PCDH9: variants seen among roughly 807,000 people sequenced by gnomAD.
PCDH9 encodes protocadherin 9, also known as protocadherin-9.
A neutral mutation model predicts 70.6 loss-of-function variants in PCDH9; 24 were observed. The observed-to-expected ratio is 0.34, with a 90% CI of 0.25 to 0.48. PCDH9 has a LOEUF of 0.48. PCDH9 is among the 20% of genes least tolerant of loss of function. PCDH9 has a pLI of 0.99. For synonymous variants in PCDH9, 562 were observed against 558.5 expected, an observed-to-expected ratio of 1.01 and a Z score of -0.09; for missense variants, 1,281 against 1,503.6, an observed-to-expected ratio of 0.85 and a Z score of 2.45.
At position 67,225,558 on chromosome 13, in the gene PCDH9, G is replaced by C; in HGVS notation, c.2883C>G (p.His961Gln). 9 of 1,614,146 alleles carry C rather than the reference G, an allele frequency of 5.6e-6. No individual in the cohort carries two copies. The highest frequency in any genetic ancestry group is 7.6e-6 in the Non-Finnish European group (9 of 1,180,022). ...KPDTPVSVKK[H>Q]HVIQELPLDN... ...CCAAAGGGAGTTCCTGAATCACGTGGTGCTTTTTCACGGAAACTGGAGTGT... is the reference window on the plus strand; with the variant it reads ...CCAAAGGGAGTTCCTGAATCACGTGCTGCTTTTTCACGGAAACTGGAGTGT... Residue 961 changes from histidine (H) to glutamine (Q), a missense_variant, in exon 2 of 5, where the codon CAC becomes CAG. Coordinates refer to ENST00000377865, the MANE Select transcript of PCDH9 (RefSeq NM_203487.3).
chr13:66,816,039 C>T (rs552045993), intron 3 of PCDH9, among the ~76,000 whole-genome samples: 1 of 152,178 alleles, frequency 6.6e-6, no homozygotes, highest in Non-Finnish European at 1.5e-5. Context: ...CTCTCTAATA[C>T]AAATGCAGTT....
chr13:66,437,338 C>T (rs988642049), intron 4 of PCDH9, among the ~76,000 whole-genome samples: 2 of 126,046 alleles, frequency 1.6e-5, no homozygotes, highest in Admixed American at 1.1e-4. Flanking sequence ...ACCCGGGAGG[C>T]GAGCTTGCGT....
intron 2 of PCDH9, among the ~76,000 whole-genome samples, chr13:67,064,545 A>T (rs1286950215): frequency 6.6e-6 from 1 of 152,174 alleles, no homozygotes; most frequent in Non-Finnish European, 1.5e-5. Flanking sequence ...AAGTCTTTTC[A>T]TCATAATGTA....
At chr13:67,189,183 C>CACATATATACATAT (rs1041090408) in intron 2 of PCDH9, among the ~76,000 whole-genome samples, 1 of 149,190 alleles carries the variant, frequency 6.7e-6, no homozygotes, top group African/African-American at 2.5e-5. Flanking sequence ...CACATATACA[C>CACATATATACATAT]ACATATATAC....
chr13:66,625,747 A>G lies in PCDH9; in HGVS notation c.3340+5463T>C, dbSNP rs971352856. Among the ~76,000 whole-genome samples, 3 of 147,950 alleles carry G rather than the reference A, an allele frequency of 2.0e-5. No homozygotes were observed. In the South Asian group the frequency reaches 6.4e-4, roughly 32 times the overall value. On this transcript the variant is annotated intron_variant, in intron 4 of 4. Coordinates refer to ENST00000377865, the MANE Select transcript of PCDH9 (RefSeq NM_203487.3). ...GCCATCTTGGCTCACTGCAATTTCC[A>G]CCTCCTGGGTTCAAGTGATTCTAGT... is the stretch of plus-strand genomic sequence containing the variant.
intron 4 of PCDH9, among the ~76,000 whole-genome samples, chr13:66,521,656 G>A (rs1959992927): frequency 6.6e-6 from 1 of 152,118 alleles, no homozygotes; most frequent in African/African-American, 2.4e-5. Context: ...TTTATACACA[G>A]AGAGGCTTGG....
intron 4 of PCDH9, among the ~76,000 whole-genome samples, chr13:66,597,905 A>G (rs1431348177): frequency 6.6e-6 from 1 of 151,736 alleles, no homozygotes; most frequent in African/African-American, 2.4e-5. Context: ...AATGGGAAAA[A>G]GTCTTGAATA....
intron 4 of PCDH9, among the ~76,000 whole-genome samples, chr13:66,480,163 T>C (rs558757557): frequency 6.6e-6 from 1 of 152,300 alleles, no homozygotes; most frequent in East Asian, 1.9e-4. Context: ...TCTCACAGAT[T>C]ACTTTGAGAG....
chr13:66,626,810 C>T, intron 4 of PCDH9, among the ~76,000 whole-genome samples: 1 of 152,162 alleles, frequency 6.6e-6, no homozygotes, highest in Non-Finnish European at 1.5e-5. Context: ...TTTGGCATTG[C>T]ATGTAAAGAC....
intron 4 of PCDH9, among the ~76,000 whole-genome samples, chr13:66,378,811 G>A (rs1956793064): frequency 6.6e-6 from 1 of 152,146 alleles, no homozygotes; most frequent in African/African-American, 2.4e-5. Context: ...CTCACTCATA[G>A]CTAAGAGTGA....
chr13:67,071,616 G>A (rs1243346597), intron 2 of PCDH9, among the ~76,000 whole-genome samples: 1 of 151,744 alleles, frequency 6.6e-6, no homozygotes. Flanking sequence ...CTTTAGGCTG[G>A]GCAGTGACTC....
At chr13:67,034,430 C>T (rs367740261) in intron 2 of PCDH9, among the ~76,000 whole-genome samples, 5 of 152,294 alleles carry the variant, frequency 3.3e-5, no homozygotes, top group Admixed American at 1.3e-4. Flanking sequence ...ATCATGCCTA[C>T]GCCATTCATA....
intron 2 of PCDH9, among the ~76,000 whole-genome samples, chr13:67,051,009 CA>C (rs1422638395): frequency 4.6e-5 from 7 of 152,084 alleles, no homozygotes; most frequent in Non-Finnish European, 7.4e-5. Context: ...TTGGGGGATT[CA>C]AAATCTTATT....
chr13:66,808,807 T>C (rs2080451407), intron 3 of PCDH9, among the ~76,000 whole-genome samples: 1 of 152,224 alleles, frequency 6.6e-6, no homozygotes, highest in Non-Finnish European at 1.5e-5. Flanking sequence ...CAGAAGCTTA[T>C]GAGTAATGCA....
intron 3 of PCDH9, among the ~76,000 whole-genome samples, chr13:66,897,479 C>A (rs1389414525): frequency 1.3e-5 from 2 of 152,054 alleles, no homozygotes; most frequent in East Asian, 3.9e-4. Flanking sequence ...AAAATGAAAT[C>A]AATTCACATC....
At chr13:67,159,052 A>G (rs538367162) in intron 2 of PCDH9, among the ~76,000 whole-genome samples, 1 of 152,330 alleles carries the variant, frequency 6.6e-6, no homozygotes, top group South Asian at 2.1e-4. Context: ...CAAAAGAACC[A>G]TAAAAGGAGA....
chr13:67,056,917 A>C (rs1289527157), intron 2 of PCDH9, among the ~76,000 whole-genome samples: 1 of 152,180 alleles, frequency 6.6e-6, no homozygotes, highest in African/African-American at 2.4e-5. Context: ...AAATTTATAT[A>C]CACTATGCAA....
At chr13:66,593,765 A>G (rs983154099) in intron 4 of PCDH9, among the ~76,000 whole-genome samples, 12 of 151,688 alleles carry the variant, frequency 7.9e-5, no homozygotes, top group African/African-American at 2.9e-4. Context: ...TGAAAACCAA[A>G]GAGAATAAAT....
intron 3 of PCDH9, among the ~76,000 whole-genome samples, chr13:66,868,296 A>G (rs1233306570): frequency 6.6e-6 from 1 of 151,996 alleles, no homozygotes; most frequent in African/African-American, 2.4e-5. Context: ...TAGTTTTATA[A>G]TTACATTTAT....
Sources: gnomAD v4.1 joint callset for allele counts (sites outside exome capture counted in the v4.1 genomes callset) on GRCh38, gnomAD v4.1.1 for gene constraint, MANE v1.5 for transcripts, NCBI Gene and HGNC (gene_info 2026-07-23, HGNC 2026-07-21) for gene names.